The following THSD4 variants were observed in gnomAD, a reference collection of about 807,000 sequenced individuals.
THSD4 encodes thrombospondin type-1 domain-containing protein 4.
Under a neutral mutation model 119.0 loss-of-function variants are expected in THSD4, and 69 were observed. The ratio of observed to expected loss-of-function variants is 0.58; its 90% CI spans 0.48 to 0.71. The LOEUF (loss-of-function observed/expected upper bound fraction) is 0.71, where lower values mean the gene tolerates loss of function less well. Ranked by LOEUF, THSD4 falls within the 30% of genes least tolerant of loss-of-function variation. The probability of loss-of-function intolerance (pLI) is 0.00; values close to 1 mark genes in which losing one functional copy is unlikely to be tolerated. For missense variants in THSD4, 1,393 were observed against 1,391.1 expected (o/e 1.00, Z -0.02); for synonymous variants, 524 against 540.4 (o/e 0.97, Z 0.42).
At chr15:71,256,782 G>C (rs1462165770) in intron 6 of THSD4, 67 bp downstream of exon 6, 13 of 1,441,678 alleles carry the variant, frequency 9.0e-6, no homozygotes, top group East Asian at 2.3e-5. Context: ...GTTGACTTCT[G>C]ATTGATGTTG....
intron 7 of THSD4, among the ~76,000 whole-genome samples, chr15:71,416,095 C>T (rs952989329): frequency 3.3e-5 from 5 of 152,140 alleles, no homozygotes; most frequent in African/African-American, 1.2e-4. Context: ...CCTCGCCTGG[C>T]CCGAAGTTTG....
At chr15:71,646,722 T>C (rs1055530653) in intron 7 of THSD4, among the ~76,000 whole-genome samples, 2 of 152,244 alleles carry the variant, frequency 1.3e-5, no homozygotes, top group African/African-American at 4.8e-5. Flanking sequence ...ATTTTCACTT[T>C]ATGACAGCAA....
chr15:71,652,377 A>T (rs1241540313), intron 7 of THSD4, among the ~76,000 whole-genome samples: 1 of 152,330 alleles, frequency 6.6e-6, no homozygotes, highest in East Asian at 1.9e-4. Context: ...GTAAAGTGAA[A>T]GTCTAGAGGT....
chr15:71,174,685 G>A (rs1412824499), intron 3 of THSD4, among the ~76,000 whole-genome samples: 1 of 140,200 alleles, frequency 7.1e-6, no homozygotes, highest in Non-Finnish European at 1.6e-5. Flanking sequence ...TCTGGGGGCA[G>A]GGCACAGACA....
intron 1 of THSD4, among the ~76,000 whole-genome samples, chr15:71,141,227 T>G (rs148564568): frequency 9.2e-5 from 14 of 152,374 alleles, no homozygotes; most frequent in African/African-American, 3.4e-4. Context: ...AGTAATTTAC[T>G]GAACATCTTC....
chr15:71,255,027 G>A (rs569347641), intron 5 of THSD4, among the ~76,000 whole-genome samples: 62 of 152,334 alleles, frequency 4.1e-4, no homozygotes, highest in African/African-American at 1.5e-3. Flanking sequence ...AGCAGGAGAT[G>A]TTTACCCTCA....
At chr15:71,172,118 G>A (rs2043371610) in intron 3 of THSD4, 1 of 152,086 alleles carries the variant, frequency 6.6e-6, no homozygotes, top group South Asian at 2.1e-4. Context: ...CTGAGGTCAG[G>A]AGTTCGAGAC....
Position 71,519,201 on chromosome 15 carries a change from T to G in THSD4, c.1152+107378T>G, listed in dbSNP as rs1052093771. On this transcript the variant is annotated intron_variant, in intron 7 of 17. Transcript: ENST00000261862. ...AAGGCCCTGGGGTGATTGAGTGCCATGTCTTTCAGGAGCAGCAAGAAGGCC... is the reference window on the plus strand; with the variant it reads ...AAGGCCCTGGGGTGATTGAGTGCCAGGTCTTTCAGGAGCAGCAAGAAGGCC... 2.0e-5 allele frequency among the ~76,000 whole-genome samples: 3 copies of G among 152,140 alleles called. 1 individual carries two copies. The South Asian group carries it at 6.2e-4, about 32-fold the overall frequency.
chr15:71,401,575 G>T (rs1284172006), intron 6 of THSD4, among the ~76,000 whole-genome samples: 5 of 151,924 alleles, frequency 3.3e-5, no homozygotes, highest in African/African-American at 1.2e-4. Context: ...CATTTGTTCT[G>T]TTGAAAATGA....
At chr15:71,447,423 G>A (rs191961926) in intron 7 of THSD4, among the ~76,000 whole-genome samples, 4 of 152,182 alleles carry the variant, frequency 2.6e-5, no homozygotes, top group African/African-American at 7.2e-5. Flanking sequence ...GAGCCACCAC[G>A]CCCAGCCCTT....
chr15:71,661,406 T>A (rs868416690), intron 8 of THSD4, among the ~76,000 whole-genome samples: 2,105 of 152,078 alleles, frequency 0.014, 51 homozygotes, highest in African/African-American at 0.048. Context: ...TATTTATTTT[T>A]TTTTTTTGAG....
intron 7 of THSD4, among the ~76,000 whole-genome samples, chr15:71,521,785 C>T (rs549768660): frequency 3.9e-5 from 6 of 152,266 alleles, no homozygotes; most frequent in Admixed American, 3.3e-4. Context: ...AAAAAAGTTA[C>T]GAGTAATAGA....
intron 7 of THSD4, among the ~76,000 whole-genome samples, chr15:71,598,093 C>A (rs553644382): frequency 6.6e-6 from 1 of 151,820 alleles, no homozygotes; most frequent in African/African-American, 2.4e-5. Flanking sequence ...CAAAGAGGAC[C>A]GGTCAAGAGA....
intron 7 of THSD4, among the ~76,000 whole-genome samples, chr15:71,447,116 T>TG: frequency 1.3e-5 from 1 of 77,366 alleles, no homozygotes; most frequent in East Asian, 3.3e-4. Flanking sequence ...TCCATTTTTT[T>TG]TGTTTTTTTT....
intron 17 of THSD4, among the ~76,000 whole-genome samples, chr15:71,773,285 A>AT (rs2053857967): frequency 6.6e-6 from 1 of 152,176 alleles, no homozygotes; most frequent in African/African-American, 2.4e-5. Flanking sequence ...GCCAGATAAT[A>AT]TAACTAAAGA....
chr15:71,697,674 AAAG>A (rs1354620211), intron 8 of THSD4, among the ~76,000 whole-genome samples: 2 of 152,214 alleles, frequency 1.3e-5, no homozygotes, highest in East Asian at 1.9e-4. Flanking sequence ...ATGTAAAACA[AAAG>A]AAGAGAGGGC....
At chr15:71,223,306 G>A (rs2043990028) in intron 4 of THSD4, among the ~76,000 whole-genome samples, 1 of 152,188 alleles carries the variant, frequency 6.6e-6, no homozygotes, top group Non-Finnish European at 1.5e-5. Context: ...CCTTTTCAAA[G>A]TGAAAGGTAA....
intron 1 of THSD4, among the ~76,000 whole-genome samples, chr15:71,102,941 T>G (rs970968054): frequency 2.6e-5 from 4 of 152,208 alleles, no homozygotes; most frequent in African/African-American, 7.2e-5. Flanking sequence ...TCCCTTACTT[T>G]ATGGAACATG....
At chr15:71,233,110 A>C (rs1045020332) in intron 4 of THSD4, among the ~76,000 whole-genome samples, 12 of 152,190 alleles carry the variant, frequency 7.9e-5, no homozygotes, top group Non-Finnish European at 1.5e-4. Flanking sequence ...GCTGATCTAA[A>C]ATCTTTCTGG....
Sources: allele counts gnomAD v4.1 joint callset (sites outside exome capture counted in the v4.1 genomes callset), GRCh38; gene constraint gnomAD v4.1.1; transcripts MANE v1.5; gene names NCBI Gene and HGNC (gene_info 2026-07-23, HGNC 2026-07-21).